Variants in TTC39B observed in about 807,000 individuals in gnomAD.
TTC39B encodes the protein tetratricopeptide repeat protein 39B.
In TTC39B, 92 loss-of-function variants were observed where a neutral mutation model predicts 96.6. That is an observed-to-expected ratio of 0.95 (90% CI 0.80 to 1.13). The LOEUF is 1.13. Among genes scored for constraint, TTC39B ranks in the 50% most tolerant of loss-of-function variants. TTC39B has a pLI of 0.00. For synonymous variants in TTC39B, 367 were observed against 299.4 expected (o/e 1.23, Z -2.33); for missense variants, 955 against 809.3 (o/e 1.18, Z -2.18).
chr9:15,179,761 C>T (rs1281337320), intron 17 of TTC39B, among the ~76,000 whole-genome samples: 1 of 152,132 alleles, frequency 6.6e-6, no homozygotes, highest in Non-Finnish European at 1.5e-5. Context: ...CATTCTGGTG[C>T]TCTGTGAATG....
intron 4 of TTC39B, among the ~76,000 whole-genome samples, chr9:15,212,749 T>C (rs1820281266): frequency 6.6e-6 from 1 of 152,188 alleles, no homozygotes; most frequent in Admixed American, 6.5e-5. Flanking sequence ...AATCGGAGAC[T>C]AACCTGACTG....
At position 15,255,872 on chromosome 9, in the gene TTC39B, C is replaced by G. The variant is rs938438961; in HGVS notation, c.275+12042G>C. The stretch of plus-strand genomic sequence containing the variant: ...TATTCCAAAAGATCCCTTAACTAAC[C>G]ATTTGAATAATCACAGCAATTATCA... On this transcript the variant is annotated intron_variant, in intron 2 of 19. Transcript: ENST00000512701. 3.3e-5 allele frequency among the ~76,000 whole-genome samples: 5 copies of G among 152,118 alleles called. No homozygotes were observed. The East Asian group carries it at 9.6e-4, about 29-fold the overall frequency.
chr9:15,274,715 G>A (rs1375599363), intron 1 of TTC39B, among the ~76,000 whole-genome samples: 1 of 151,318 alleles, frequency 6.6e-6, no homozygotes, highest in African/African-American at 2.4e-5. Flanking sequence ...TATCACACCT[G>A]AAAAAAAACT....
At chr9:15,226,956 G>T (rs1480151118) in intron 2 of TTC39B, among the ~76,000 whole-genome samples, 5 of 151,930 alleles carry the variant, frequency 3.3e-5, no homozygotes, top group African/African-American at 1.2e-4. Context: ...TAAAAAAAGA[G>T]GAGAAGTTTT....
intron 2 of TTC39B, among the ~76,000 whole-genome samples, chr9:15,256,318 C>T (rs1055938400): frequency 6.6e-6 from 1 of 152,144 alleles, no homozygotes; most frequent in South Asian, 2.1e-4. Flanking sequence ...TTGGACCTTG[C>T]GGCCTACAAA....
intron 1 of TTC39B, among the ~76,000 whole-genome samples, chr9:15,282,857 A>T (rs951833762): frequency 6.6e-6 from 1 of 152,206 alleles, no homozygotes; most frequent in Non-Finnish European, 1.5e-5. Context: ...ATCTACACTC[A>T]TTCTCATTAA....
chr9:15,305,997 C>T (rs887281671), intron 1 of TTC39B, among the ~76,000 whole-genome samples: 1 of 152,002 alleles, frequency 6.6e-6, no homozygotes, highest in African/African-American at 2.4e-5. Context: ...AGCTGTAGTT[C>T]AGTTTTTGTT....
chr9:15,230,606 A>G (rs1188829260), intron 2 of TTC39B, among the ~76,000 whole-genome samples: 1 of 152,122 alleles, frequency 6.6e-6, no homozygotes, highest in Non-Finnish European at 1.5e-5. Context: ...GCTATACCAC[A>G]TTTTGTTAGT....
At chr9:15,289,362 A>C (rs1394165018) in intron 1 of TTC39B, among the ~76,000 whole-genome samples, 1 of 152,246 alleles carries the variant, frequency 6.6e-6, no homozygotes, top group East Asian at 1.9e-4. Flanking sequence ...ACTTACAAAA[A>C]GTAAACTTTA....
At chr9:15,195,320 A>C (rs1392198126) in intron 8 of TTC39B, among the ~76,000 whole-genome samples, 1 of 152,160 alleles carries the variant, frequency 6.6e-6, no homozygotes, top group Non-Finnish European at 1.5e-5. Context: ...GAAGAAAAAA[A>C]TGTTGGAAGC....
chr9:15,228,461 T>A (rs113102715), intron 2 of TTC39B, among the ~76,000 whole-genome samples: 7,669 of 149,422 alleles, frequency 0.051, 238 homozygotes, highest in South Asian at 0.071. Context: ...TGACACTCCA[T>A]CTCAAAAAAT....
In TTC39B at chr9:15,246,340, T is replaced by TCTG. The variant is rs764588630; in HGVS notation, c.276-20329_276-20328insCAG. 3.6e-3 allele frequency among the ~76,000 whole-genome samples: 552 copies of TCTG among 152,298 alleles called. 1 individual carries two copies. The highest frequency in any genetic ancestry group is 5.2e-3 in the Non-Finnish European group (354 of 68,028). On this transcript the variant is annotated intron_variant, in intron 2 of 19. Coordinates refer to ENST00000512701, the Ensembl canonical transcript of TTC39B. ...TGATGTTAGTCTGCAGAGGGGTATCTCATTAAGGTGAGGAGACTCACCTTA... is the reference window on the plus strand; with the variant it reads ...TGATGTTAGTCTGCAGAGGGGTATCTCTGCATTAAGGTGAGGAGACTCACCTTA...
chr9:15,287,957 A>T (rs1227319340), intron 1 of TTC39B, among the ~76,000 whole-genome samples: 2 of 148,596 alleles, frequency 1.3e-5, no homozygotes, highest in African/African-American at 5.1e-5. Flanking sequence ...AAAAAAAAAA[A>T]AAAAAAAAAA....
At chr9:15,295,781 A>G (rs1824352119) in intron 1 of TTC39B, among the ~76,000 whole-genome samples, 1 of 152,230 alleles carries the variant, frequency 6.6e-6, no homozygotes, top group Non-Finnish European at 1.5e-5. Flanking sequence ...GGAAATGGGA[A>G]GCCAGAATCT....
chr9:15,262,996 C>A (rs971384462), intron 2 of TTC39B, among the ~76,000 whole-genome samples: 3 of 152,150 alleles, frequency 2.0e-5, no homozygotes, highest in Admixed American at 2.0e-4. Context: ...GAAATTAGGA[C>A]AAACAAAAAG....
At chr9:15,204,648 A>C (rs991279805) in intron 6 of TTC39B, among the ~76,000 whole-genome samples, 1 of 152,252 alleles carries the variant, frequency 6.6e-6, no homozygotes, top group Non-Finnish European at 1.5e-5. Context: ...CTAACCAGAC[A>C]CATTAGCTAC....
At chr9:15,184,251 T>C (rs1397729835) in intron 16 of TTC39B, among the ~76,000 whole-genome samples, 1 of 152,112 alleles carries the variant, frequency 6.6e-6, no homozygotes, top group Non-Finnish European at 1.5e-5. Context: ...TCTACCAAAA[T>C]ATTAAATGTA....
chr9:15,193,479 G>C (rs1259518521), intron 8 of TTC39B, among the ~76,000 whole-genome samples: 1 of 152,202 alleles, frequency 6.6e-6, no homozygotes, highest in Non-Finnish European at 1.5e-5. Flanking sequence ...AACTACACTT[G>C]TGATCCAGTC....
chr9:15,243,205 T>A (rs1482319252), intron 2 of TTC39B, among the ~76,000 whole-genome samples: 1 of 152,226 alleles, frequency 6.6e-6, no homozygotes, highest in Non-Finnish European at 1.5e-5. Context: ...ATAAGCCTGA[T>A]ACAGAGTTTA....
Sources: allele counts gnomAD v4.1 joint callset (sites outside exome capture counted in the v4.1 genomes callset), GRCh38; gene constraint gnomAD v4.1.1; transcripts MANE v1.5; gene names NCBI Gene and HGNC (gene_info 2026-07-23, HGNC 2026-07-21).